Variants in ITGAV observed in about 807,000 individuals in gnomAD.
ITGAV encodes integrin subunit alpha V.
Under a neutral mutation model 143.8 loss-of-function variants are expected in ITGAV, and 76 were observed. That is an observed-to-expected ratio of 0.53 (90% CI 0.44 to 0.64). ITGAV has a LOEUF of 0.64. ITGAV is among the 30% of genes least tolerant of loss of function. The pLI, the probability that ITGAV is intolerant of heterozygous loss-of-function variation, is 0.00. For missense variants in ITGAV, 1,193 were observed against 1,274.7 expected (o/e 0.94, Z 0.98); for synonymous variants, 453 against 446.7 (o/e 1.01, Z -0.18).
At chr2:186,653,342 A>C (rs1688495683) in intron 15 of ITGAV, among the ~76,000 whole-genome samples, 1 of 152,162 alleles carries the variant, frequency 6.6e-6, no homozygotes, top group African/African-American at 2.4e-5. Context: ...TGACCCATAT[A>C]CTACCAAAAT....
intron 19 of ITGAV, among the ~76,000 whole-genome samples, chr2:186,664,288 A>T: frequency 6.6e-6 from 1 of 152,166 alleles, no homozygotes. Flanking sequence ...AGTGGCATCA[A>T]TGTTTATTTT....
intron 2 of ITGAV, among the ~76,000 whole-genome samples, chr2:186,611,517 A>G (rs1243807742): frequency 1.3e-5 from 2 of 152,120 alleles, no homozygotes; most frequent in African/African-American, 2.4e-5. Context: ...GTAAGCCACA[A>G]TTGATATTGG....
At chr2:186,638,179 A>G (rs1687999406) in intron 8 of ITGAV, 98 bp from the exon 9 acceptor site, 3 of 955,648 alleles carry the variant, frequency 3.1e-6, no homozygotes, top group Non-Finnish European at 4.9e-6. Flanking sequence ...TTTGAACTGA[A>G]GTAGTAAAAC....
Position 186,664,153 on chromosome 2 carries a change from A to T in ITGAV, c.1925+318A>T, listed in dbSNP as rs61763069. Among the ~76,000 whole-genome samples the T allele has an allele frequency of 2.1e-3, 316 of 152,374 alleles. 4 individuals are homozygous for T. The highest frequency in any genetic ancestry group is 1.0e-3 in the Non-Finnish European group (68 of 68,042). On this transcript the variant is annotated intron_variant, in intron 19 of 29. Coordinates refer to ENST00000261023, the MANE Select transcript of ITGAV (RefSeq NM_002210.5). Reference sequence around the variant, plus strand: ...ATATCCTTACCATTTTGTAAGGCATATGAATTATAAAGAATATTGTGAGAA... The same window carrying T: ...ATATCCTTACCATTTTGTAAGGCATTTGAATTATAAAGAATATTGTGAGAA...
intron 2 of ITGAV, among the ~76,000 whole-genome samples, chr2:186,611,389 T>A (rs916489416): frequency 6.6e-6 from 1 of 152,164 alleles, no homozygotes; most frequent in Non-Finnish European, 1.5e-5. Context: ...AATTATTTGT[T>A]ATTTTTTTCT....
At chr2:186,603,115 G>A (rs943135603) in intron 2 of ITGAV, among the ~76,000 whole-genome samples, 1 of 152,068 alleles carries the variant, frequency 6.6e-6, no homozygotes, top group African/African-American at 2.4e-5. Flanking sequence ...AATTCTGTAC[G>A]CATTTATATT....
intron 12 of ITGAV, among the ~76,000 whole-genome samples, chr2:186,644,599 C>T (rs1287999375): frequency 6.6e-6 from 1 of 152,146 alleles, no homozygotes; most frequent in Non-Finnish European, 1.5e-5. Flanking sequence ...GCTGGGAATA[C>T]AGGCGTGAGC....
In ITGAV at chr2:186,622,368, T is replaced by C. The variant is rs745522737; in HGVS notation, c.346T>C (p.Leu116=). The stretch of plus-strand genomic sequence containing the variant: ...TAGAGATTATGCCAAGGATGATCCA[T>C]TGGAATTTAAGTCCCATCAGTGGTT... ...GNRDYAKDDP[L]EFKSHQWFGA... is the part of the protein sequence containing the mutation. The change falls in exon 3 of 30, where the codon TTG becomes CTG. Residue 116 remains leucine, a synonymous_variant. Coordinates refer to ENST00000261023, the MANE Select transcript of ITGAV (RefSeq NM_002210.5). The C allele has an allele frequency of 1.9e-6, 3 of 1,613,806 alleles. No homozygotes were observed. The highest frequency in any genetic ancestry group is 2.2e-5 in the East Asian group (1 of 44,852).
At chr2:186,605,249 GA>G (rs1687027319) in intron 2 of ITGAV, among the ~76,000 whole-genome samples, 1 of 152,164 alleles carries the variant, frequency 6.6e-6, no homozygotes, top group African/African-American at 2.4e-5. Context: ...TTAAAACAAT[GA>G]GCTCACTCTG....
In ITGAV at chr2:186,636,107, A is replaced by G. The variant is rs1687939429; in HGVS notation, c.657A>G (p.Ala219=). The change falls in exon 7 of 30, where the codon GCA becomes GCG. Residue 219 remains alanine (A), a synonymous_variant. Coordinates refer to ENST00000261023, the MANE Select transcript of ITGAV (RefSeq NM_002210.5). ...GTCAGCTTATTTCGGATCAAGTGGC[A>G]GAAATCGTATCTAAATACGACCCCA... is the stretch of plus-strand genomic sequence containing the variant. The part of the protein sequence containing the change: ...WQGQLISDQV[A]EIVSKYDPNV... 6.2e-7 allele frequency: 1 copy of G among 1,613,262 alleles called. No homozygotes were observed. Among genetic ancestry groups the G allele is most frequent in the Non-Finnish European group, 8.5e-7 (1 of 1,179,582 alleles).
At chr2:186,670,092 C>A (rs1689022884) in intron 26 of ITGAV, 1 of 380,284 alleles carries the variant, frequency 2.6e-6, no homozygotes, top group South Asian at 2.9e-5. Context: ...GGGCCTCCTC[C>A]TAATCTCTGA....
chr2:186,677,336 G>T lies in ITGAV; in HGVS notation c.*44G>T. 7.1e-7 allele frequency: 1 copy of T among 1,418,220 alleles called. No individual in the cohort carries two copies. The highest frequency in any genetic ancestry group is 1.4e-5 in the African/African-American group (1 of 70,198). The allele number at this position is 1,418,220 out of a possible 1,614,324, so 87.9% of individuals were successfully genotyped here. ...GCTACATCTTGACCCACTAGAATTA[G>T]CAACTTTATTATAGATTTAAACTTT... On this transcript the variant is annotated 3_prime_UTR_variant, in exon 30 of 30. Coordinates refer to ENST00000261023, the MANE Select transcript of ITGAV (RefSeq NM_002210.5).
chr2:186,633,412 G>C, intron 6 of ITGAV, 38 bp downstream of exon 6: 1 of 1,272,156 alleles, frequency 7.9e-7, no homozygotes, highest in Non-Finnish European at 1.1e-6. Context: ...TGGTGACTAT[G>C]TGTCGCTGAT....
intron 1 of ITGAV, among the ~76,000 whole-genome samples, chr2:186,592,851 C>A (rs1229695343): frequency 1.3e-5 from 2 of 152,128 alleles, no homozygotes; most frequent in East Asian, 3.8e-4. Context: ...AAAATGGAAA[C>A]CAACCTTGAA....
chr2:186,677,076 G>T, intron 29 of ITGAV, 121 bp from the exon 30 acceptor site: 2 of 1,228,792 alleles, frequency 1.6e-6, no homozygotes, highest in East Asian at 5.0e-5. Context: ...TATTATATGA[G>T]GGAAGATAAA....
rs1469177154 is a variant in ITGAV at position 186,677,369 on chromosome 2, A to G, written c.*77A>G. 1 of 1,119,106 alleles carries G rather than the reference A, an allele frequency of 8.9e-7. No individual in the cohort carries two copies. Among genetic ancestry groups the G allele is most frequent in the Non-Finnish European group, 1.3e-6 (1 of 758,592 alleles). 69.3% of individuals were successfully genotyped at this position (1,119,106 alleles called of 1,614,324 possible). A position where few individuals can be genotyped will look rare whatever the true frequency, so the allele number is the denominator to read the frequency against. On this transcript the variant is annotated 3_prime_UTR_variant, in exon 30 of 30. Coordinates refer to ENST00000261023, the MANE Select transcript of ITGAV (RefSeq NM_002210.5). ...ATTATAGATTTAAACTTTCTTCATG[A>G]GGAGTAAAAATCCAAGGCTTTACTG...
At chr2:186,624,085 C>G (rs775125359) in intron 3 of ITGAV, among the ~76,000 whole-genome samples, 16 of 152,170 alleles carry the variant, frequency 1.1e-4, no homozygotes, top group Non-Finnish European at 1.9e-4. Context: ...TTGGCCTCCT[C>G]TCACTCCATC....
chr2:186,650,236 T>C (rs1450614358), intron 14 of ITGAV, among the ~76,000 whole-genome samples: 3 of 152,230 alleles, frequency 2.0e-5, no homozygotes, highest in African/African-American at 7.2e-5. Flanking sequence ...TTGTTTTCTT[T>C]GGAGACAGAG....
chr2:186,638,544 CTG>C lies in ITGAV; in HGVS notation c.903+81_903+82del, dbSNP rs1688012575. The C allele has an allele frequency of 7.7e-6, 8 of 1,040,842 alleles. No homozygotes were observed. The African/African-American group carries it at 8.0e-5, about 10-fold the overall frequency. 64.5% of individuals were successfully genotyped at this position (1,040,842 alleles called of 1,614,324 possible). ...ATTGGAGAAAATTTGCGAAATAAAACTGTAAAAATGAACTATAATCTCATCAA... is the reference window on the plus strand; with the variant it reads ...ATTGGAGAAAATTTGCGAAATAAAACTAAAAATGAACTATAATCTCATCAA... On this transcript the variant is annotated intron_variant, in intron 10 of 29. Transcript: ENST00000261023.
Sources: allele counts gnomAD v4.1 joint callset (sites outside exome capture counted in the v4.1 genomes callset), GRCh38; gene constraint gnomAD v4.1.1; transcripts MANE v1.5; gene names NCBI Gene and HGNC (gene_info 2026-07-23, HGNC 2026-07-21).